Variants in PRELID2 observed in about 807,000 individuals in gnomAD.
PRELID2 encodes PRELI domain-containing protein 2.
Under a neutral mutation model 28.4 loss-of-function variants are expected in PRELID2, and 25 were observed. The observed-to-expected ratio is 0.88, with a 90% CI of 0.64 to 1.23. PRELID2 has a LOEUF of 1.23. Ranked by LOEUF, PRELID2 falls within the 50% of genes most tolerant of loss-of-function variation. PRELID2 has a pLI of 0.00. For synonymous variants in PRELID2, 76 were observed against 71.6 expected, an observed-to-expected ratio of 1.06 and a Z score of -0.31; for missense variants, 201 against 214.4, an observed-to-expected ratio of 0.94 and a Z score of 0.39.
chr5:145,528,726 CAGAGAGAGAGAG>C (rs1035893212), intron 1 of PRELID2, among the ~76,000 whole-genome samples: 3 of 53,528 alleles, frequency 5.6e-5, no homozygotes, highest in African/African-American at 1.9e-4. Context: ...CACACACACA[CAGAGAGAGAGAG>C]AGAGAGAGAG....
chr5:145,599,907 G>A (rs1054157258), intron 1 of PRELID2, among the ~76,000 whole-genome samples: 2 of 152,056 alleles, frequency 1.3e-5, no homozygotes, highest in Non-Finnish European at 2.9e-5. Context: ...GCAAATCTGG[G>A]TTAGGTTTAA....
chr5:145,411,488 A>G, the PRELID2 span, among the ~76,000 whole-genome samples: 1 of 152,206 alleles, frequency 6.6e-6, no homozygotes, highest in African/African-American at 2.4e-5. Flanking sequence ...TCCAAGACAC[A>G]CTGATGCAAC....
chr5:145,726,218 A>AAGGT (rs1463813322), intron 1 of PRELID2, among the ~76,000 whole-genome samples: 1 of 115,262 alleles, frequency 8.7e-6, no homozygotes, highest in African/African-American at 3.7e-5. Context: ...AGAGAGAAGA[A>AAGGT]AGGAAGGAAG....
the PRELID2 span, among the ~76,000 whole-genome samples, chr5:145,359,642 T>A: frequency 1.3e-5 from 2 of 152,174 alleles, no homozygotes; most frequent in East Asian, 3.9e-4. Flanking sequence ...TGGAGCAAGT[T>A]AAAAAGCTGG....
At chr5:145,232,596 A>G in the PRELID2 span, among the ~76,000 whole-genome samples, 18 of 152,176 alleles carry the variant, frequency 1.2e-4, no homozygotes, top group Non-Finnish European at 1.6e-4. Context: ...TTATTTGGAC[A>G]TATATTTTTG....
At chr5:145,522,416 C>T (rs1032620763) in intron 1 of PRELID2, among the ~76,000 whole-genome samples, 18 of 149,698 alleles carry the variant, frequency 1.2e-4, no homozygotes, top group African/African-American at 3.7e-4. Flanking sequence ...CACACACACA[C>T]GAGAGAGAGA....
the PRELID2 span, among the ~76,000 whole-genome samples, chr5:145,397,847 C>T: frequency 6.6e-6 from 1 of 152,064 alleles, no homozygotes; most frequent in African/African-American, 2.4e-5. Context: ...GCCAAAGCAG[C>T]AAGGATGTCT....
chr5:145,470,143 T>C (rs1183140852), downstream of PRELID2, among the ~76,000 whole-genome samples: 3 of 152,176 alleles, frequency 2.0e-5, no homozygotes, highest in South Asian at 2.1e-4. Context: ...TCCCCAGAGA[T>C]TGGCTGACTT....
rs989187767 is a variant in PRELID2, at chr5:145,652,738, C to G, written n.70+112193G>C. 2.6e-5 allele frequency among the ~76,000 whole-genome samples: 4 copies of G among 152,294 alleles called. No individual in the cohort carries two copies. The East Asian group carries it at 7.7e-4, about 29-fold the overall frequency. On this transcript the variant is annotated intron_variant and non_coding_transcript_variant, in intron 1 of 2. Transcript: ENST00000510259. The stretch of plus-strand genomic sequence containing the variant: ...GACCACCAGGCCTGCCCTACAAGAG[C>G]TCCTGGAGGAAGCACTAAACATGGA...
At chr5:145,817,421 T>TTATATATATATATATTTATATATATA (rs1554099438) in intron 4 of PRELID2, among the ~76,000 whole-genome samples, 5 of 103,594 alleles carry the variant, frequency 4.8e-5, no homozygotes, top group African/African-American at 1.7e-4. Flanking sequence ...TAAGCTAGTT[T>TTATATATATATATATTTATATATATA]TATATATATA....
At chr5:145,502,059 TA>T (rs1428527004) in intron 1 of PRELID2, among the ~76,000 whole-genome samples, 1 of 152,116 alleles carries the variant, frequency 6.6e-6, no homozygotes, top group Non-Finnish European at 1.5e-5. Flanking sequence ...CACACTGCTA[TA>T]AAAAACTACC....
rs148862571 is a variant in PRELID2, at chr5:145,583,837, T to G, written n.71-110522A>C. 7.4e-4 allele frequency among the ~76,000 whole-genome samples: 113 copies of G among 152,098 alleles called. 1 individual carries two copies. The East Asian group carries it at 0.019, about 25-fold the overall frequency. ...ATTCCATACTCATGGGTAAAAAGAA[T>G]CAATATTGTGAAAATGGCCATACTG... On this transcript the variant is annotated intron_variant and non_coding_transcript_variant, in intron 1 of 2. Coordinates refer to the PRELID2 transcript ENST00000510259.
intron 5 of PRELID2, among the ~76,000 whole-genome samples, chr5:145,767,289 C>T (rs940100546): frequency 1.3e-5 from 2 of 152,028 alleles, no homozygotes; most frequent in African/African-American, 4.8e-5. Flanking sequence ...CAGCCAAGGA[C>T]AGCCAAACTC....
chr5:145,400,977 G>A, the PRELID2 span, among the ~76,000 whole-genome samples: 6 of 152,026 alleles, frequency 3.9e-5, no homozygotes, highest in Non-Finnish European at 8.8e-5. Flanking sequence ...CCACTGTCTG[G>A]TGGGTGTAAT....
At chr5:145,605,427 G>A (rs1388575178) in intron 1 of PRELID2, among the ~76,000 whole-genome samples, 1 of 152,142 alleles carries the variant, frequency 6.6e-6, no homozygotes, top group Non-Finnish European at 1.5e-5. Flanking sequence ...TATTAAATAA[G>A]GAGTTGTTTC....
intron 1 of PRELID2, among the ~76,000 whole-genome samples, chr5:145,686,165 C>A (rs1332818054): frequency 1.3e-5 from 2 of 152,154 alleles, no homozygotes; most frequent in East Asian, 1.9e-4. Flanking sequence ...CTGTTACATG[C>A]CTTCCTGTAG....
At chr5:145,248,412 G>A in the PRELID2 span, among the ~76,000 whole-genome samples, 2 of 152,086 alleles carry the variant, frequency 1.3e-5, no homozygotes, top group Non-Finnish European at 2.9e-5. Context: ...TCAATAGAAT[G>A]AGAAGCCAGC....
the PRELID2 span, among the ~76,000 whole-genome samples, chr5:145,271,090 C>T: frequency 9.5e-4 from 145 of 152,150 alleles, no homozygotes; most frequent in East Asian, 9.9e-3. Flanking sequence ...CTCACTATCA[C>T]AAGAACGTCA....
At chr5:145,298,289 A>G in the PRELID2 span, among the ~76,000 whole-genome samples, 1 of 152,308 alleles carries the variant, frequency 6.6e-6, no homozygotes, top group South Asian at 2.1e-4. Flanking sequence ...TCAATGGAAC[A>G]GAACAGAGCC....
Sources: allele counts gnomAD v4.1 joint callset (sites outside exome capture counted in the v4.1 genomes callset), GRCh38; gene constraint gnomAD v4.1.1; transcripts MANE v1.5; gene names NCBI Gene and HGNC (gene_info 2026-07-23, HGNC 2026-07-21).